The following DMXL2 variants were observed in gnomAD, a reference collection of about 807,000 sequenced individuals.
DMXL2 encodes the protein dmX-like protein 2.
Under a neutral mutation model 331.1 loss-of-function variants are expected in DMXL2, and 103 were observed. The observed-to-expected ratio is 0.31, with a 90% confidence interval of 0.27 to 0.37. DMXL2 has a LOEUF of 0.37. Ranked by LOEUF, DMXL2 falls within the 10% of genes least tolerant of loss-of-function variation. The probability of loss-of-function intolerance (pLI) is 1.00; values close to 1 mark genes in which losing one functional copy is unlikely to be tolerated. For missense variants in DMXL2, 3,171 were observed against 3,642.9 expected (o/e 0.87, Z 3.33); for synonymous variants, 1,281 against 1,252.1 (o/e 1.02, Z -0.49).
At chr15:51,589,320 A>T (rs2052110202) in intron 1 of DMXL2, among the ~76,000 whole-genome samples, 2 of 152,250 alleles carry the variant, frequency 1.3e-5, no homozygotes, top group African/African-American at 2.4e-5. Flanking sequence ...GTAAGAAAAC[A>T]ATGCATAAAA....
chr15:51,600,000 C>T (rs2053114391), intron 1 of DMXL2, among the ~76,000 whole-genome samples: 1 of 152,136 alleles, frequency 6.6e-6, no homozygotes, highest in Non-Finnish European at 1.5e-5. Context: ...CACCCGGCTG[C>T]CTTCCCACTT....
In DMXL2 at chr15:51,545,722, A is replaced by G; in HGVS notation, c.791T>C (p.Val264Ala). ...NVLLTSCHDG[V>A]CRLWAETLLP... ...TAAAGTTTCTGCCCAGAGCCGGCAC[A>G]CACCATCATGACATGAAGTTAACAA... is the stretch of plus-strand genomic sequence containing the variant. Residue 264 changes from valine (V) to alanine (A), a missense_variant, in exon 8 of 44, where the codon GTG becomes GCG. Transcript: ENST00000560891. The G allele has an allele frequency of 6.2e-7, 1 of 1,613,668 alleles. No homozygotes were observed. The highest frequency in any genetic ancestry group is 1.1e-5 in the South Asian group (1 of 91,068).
chr15:51,579,804 G>T (rs372776492), intron 1 of DMXL2, among the ~76,000 whole-genome samples: 29 of 152,248 alleles, frequency 1.9e-4, no homozygotes, highest in African/African-American at 6.7e-4. Context: ...TACTAGAAGA[G>T]AATCTACCAA....
At chr15:51,547,162 C>G (rs2048933632) in intron 7 of DMXL2, 68 bp downstream of exon 7, 1 of 1,369,726 alleles carries the variant, frequency 7.3e-7, no homozygotes, top group African/African-American at 1.5e-5. Context: ...AATAAAAGGA[C>G]TTTATTTTCA....
Position 51,458,751 on chromosome 15 carries a change from G to A in DMXL2, c.8034C>T (p.Ile2678=), listed in dbSNP as rs1211279672. 1.9e-6 allele frequency: 3 copies of A among 1,614,006 alleles called. No individual in the cohort carries two copies. Among genetic ancestry groups the A allele is most frequent in the Admixed American group, 1.7e-5 (1 of 60,026 alleles). ...LGYPGGKAKV[I]HKESDMIMAF... is the part of the protein sequence containing the mutation. Reference sequence around the variant, plus strand: ...CCATGATCATATCAGATTCCTTATGGATGACTTTCGCCTTTCCACCTGGAT... The same window carrying A: ...CCATGATCATATCAGATTCCTTATGAATGACTTTCGCCTTTCCACCTGGAT... Residue 2678 remains isoleucine, a synonymous_variant, in exon 35 of 44, where the codon ATC becomes ATT. Coordinates refer to ENST00000560891, the MANE Select transcript of DMXL2 (RefSeq NM_001378457.1).
rs1395837102 is a variant in DMXL2, at chr15:51,536,174, T to A, written c.2306A>T (p.Tyr769Phe). ...VAWLPTLIPS[Y>F]CLGTYCNSAS... ...TTACAATGAACACTTACCTAGACAG[T>A]AACTGGGAATGAGAGTTGGAAGCCA... is the stretch of plus-strand genomic sequence containing the variant. The change falls in exon 12 of 44, where the codon TAC (tyrosine) becomes TTC (phenylalanine). Residue 769 changes from tyrosine (Y) to phenylalanine (F), a missense_variant. Around this residue, in one of 7 missense-constraint regions of DMXL2, gnomAD observed 1,674 missense variants for 1,780.2 expected, o/e 0.94. Transcript: ENST00000560891. 2.5e-6 allele frequency: 4 copies of A among 1,583,386 alleles called. No individual in the cohort carries two copies. The highest frequency in any genetic ancestry group is 3.4e-6 in the Non-Finnish European group (4 of 1,166,968).
chr15:51,576,876 T>C (rs908351944), intron 1 of DMXL2, among the ~76,000 whole-genome samples: 4 of 152,266 alleles, frequency 2.6e-5, no homozygotes, highest in East Asian at 1.9e-4. Context: ...ATATAGAATA[T>C]TGGGCAAATA....
intron 1 of DMXL2, among the ~76,000 whole-genome samples, chr15:51,619,315 G>T (rs182394818): frequency 3.1e-4 from 47 of 152,256 alleles, no homozygotes; most frequent in African/African-American, 1.1e-3. Context: ...ACACTGAAAA[G>T]AACAAAATTG....
rs1267052431 is a variant in DMXL2 at position 51,480,612 on chromosome 15, T to C, written c.6494A>G (p.His2165Arg). ...LRVFLSYCSL[H>R]GAQGGGLASV... ...AGCCAAACCACCACCTTGGGCCCCATGAAGGCTACAGTAGCTGAGAAATAC... is the reference window on the plus strand; with the variant it reads ...AGCCAAACCACCACCTTGGGCCCCACGAAGGCTACAGTAGCTGAGAAATAC... The change falls in exon 24 of 44, where the codon CAT becomes CGT. Residue 2165 changes from histidine (H) to arginine (R), a missense_variant. Physicochemically the swap from His to Arg is conservative, Grantham distance 29. Coordinates refer to ENST00000560891, the MANE Select transcript of DMXL2 (RefSeq NM_001378457.1). 2 of 1,592,686 alleles carry C rather than the reference T, an allele frequency of 1.3e-6. No homozygotes were observed. The highest frequency in any genetic ancestry group is 3.5e-5 in the Admixed American group (2 of 57,454).
Position 51,622,762 on chromosome 15 carries a change from C to A in DMXL2, c.-217G>T. The A allele has an allele frequency of 1.2e-6, 1 of 835,138 alleles. No homozygotes were observed. The highest frequency in any genetic ancestry group is 1.8e-6 in the Non-Finnish European group (1 of 565,650). The allele number at this position is 835,138 out of a possible 1,614,324, so 51.7% of individuals were successfully genotyped here. A position where few individuals can be genotyped will look rare whatever the true frequency, so the allele number is the denominator to read the frequency against. On this transcript the variant is annotated 5_prime_UTR_variant, in exon 1 of 44. Transcript: ENST00000560891. ...CGCCGCCGCCCGGGTCGCCGCTCAGCTGCGGAAATGCCCGGATGTTCCCAC... is the reference window on the plus strand; with the variant it reads ...CGCCGCCGCCCGGGTCGCCGCTCAGATGCGGAAATGCCCGGATGTTCCCAC...
At chr15:51,580,622 C>A (rs1438234365) in intron 1 of DMXL2, among the ~76,000 whole-genome samples, 1 of 152,156 alleles carries the variant, frequency 6.6e-6, no homozygotes, top group Non-Finnish European at 1.5e-5. Context: ...TCAGCCCCTA[C>A]ACACAGAGAA....
At chr15:51,550,195 T>G (rs1006153672) in intron 6 of DMXL2, among the ~76,000 whole-genome samples, 2 of 152,162 alleles carry the variant, frequency 1.3e-5, no homozygotes. Flanking sequence ...TCTCAACAGA[T>G]GCAGAAAAAG....
intron 8 of DMXL2, among the ~76,000 whole-genome samples, chr15:51,543,602 T>C (rs1347548734): frequency 6.6e-6 from 1 of 152,142 alleles, no homozygotes; most frequent in Non-Finnish European, 1.5e-5. Context: ...CTGGCTATTT[T>C]CTCCTAGAAA....
At chr15:51,506,579 G>A (rs1172222709) in intron 16 of DMXL2, among the ~76,000 whole-genome samples, 2 of 150,298 alleles carry the variant, frequency 1.3e-5, no homozygotes, top group African/African-American at 4.9e-5. Context: ...TCAGCCTCCT[G>A]AGTAGCTGGG....
At chr15:51,532,455 C>G (rs1331588074) in intron 13 of DMXL2, among the ~76,000 whole-genome samples, 2 of 152,064 alleles carry the variant, frequency 1.3e-5, no homozygotes, top group Non-Finnish European at 2.9e-5. Flanking sequence ...TTAATAAGAC[C>G]TAGTATTTGA....
intron 1 of DMXL2, among the ~76,000 whole-genome samples, chr15:51,614,716 C>T (rs922135677): frequency 2.0e-5 from 3 of 151,936 alleles, no homozygotes; most frequent in Non-Finnish European, 4.4e-5. Context: ...CTTTTTTGTA[C>T]CACCTTCTGT....
At chr15:51,599,394 A>G (rs573983247) in intron 1 of DMXL2, among the ~76,000 whole-genome samples, 34 of 152,292 alleles carry the variant, frequency 2.2e-4, no homozygotes, top group African/African-American at 7.7e-4. Context: ...AGGAAAACAA[A>G]TGTGTGTGTA....
At chr15:51,564,554 C>T (rs969076039) in intron 4 of DMXL2, among the ~76,000 whole-genome samples, 1 of 151,886 alleles carries the variant, frequency 6.6e-6, no homozygotes, top group Non-Finnish European at 1.5e-5. Context: ...AATAGAATAA[C>T]AAAGTCCCCA....
At chr15:51,570,467 G>A (rs188367790) in intron 2 of DMXL2, among the ~76,000 whole-genome samples, 1 of 152,144 alleles carries the variant, frequency 6.6e-6, no homozygotes, top group African/African-American at 2.4e-5. Context: ...TCCTCGAGAA[G>A]AGCAACCCCA....
Sources: gnomAD v4.1 joint callset for allele counts (sites outside exome capture counted in the v4.1 genomes callset) on GRCh38, gnomAD v4.1.1 for gene constraint, gnomAD v4.1.1 regional missense constraint, MANE v1.5 for transcripts, NCBI Gene and HGNC (gene_info 2026-07-23, HGNC 2026-07-21) for gene names.